Variants in MICU1 observed in about 807,000 individuals in gnomAD.
The protein encoded by MICU1 is calcium uptake protein 1, mitochondrial.
MICU1 carries 45 observed loss-of-function variants against 56.8 expected under a neutral mutation model. The ratio of observed to expected loss-of-function variants is 0.79; its 90% CI spans 0.62 to 1.02. MICU1 has a LOEUF of 1.02. MICU1 is among the 50% of genes least tolerant of loss of function. The pLI is 0.00. For missense variants in MICU1, 504 were observed against 587.1 expected (o/e 0.86, Z 1.46); for synonymous variants, 186 against 195.1 (o/e 0.95, Z 0.39).
chr10:72,415,860 A>T (rs1564854409), intron 9 of MICU1, among the ~76,000 whole-genome samples: 2 of 152,144 alleles, frequency 1.3e-5, no homozygotes, highest in Admixed American at 6.5e-5. Context: ...AATAAGAATA[A>T]AGCTTTGAAC....
chr10:72,624,126 A>G (rs1842174424), intron 1 of MICU1, among the ~76,000 whole-genome samples: 2 of 152,224 alleles, frequency 1.3e-5, no homozygotes, highest in Non-Finnish European at 2.9e-5. Context: ...GGAGTTGGTC[A>G]GTTAAATATT....
chr10:72,578,045 C>T (rs930495045), intron 1 of MICU1, among the ~76,000 whole-genome samples: 1 of 152,112 alleles, frequency 6.6e-6, no homozygotes, highest in Non-Finnish European at 1.5e-5. Context: ...CACTATCAAT[C>T]GGCGTCCTAT....
intron 5 of MICU1, among the ~76,000 whole-genome samples, chr10:72,516,282 GTTAT>G (rs1483043642): frequency 6.6e-6 from 1 of 151,986 alleles, no homozygotes; most frequent in Non-Finnish European, 1.5e-5. Flanking sequence ...TTTTGTTGGG[GTTAT>G]TTTTTTCTTG....
At chr10:72,569,833 G>A (rs905920181) in intron 1 of MICU1, among the ~76,000 whole-genome samples, 10 of 152,174 alleles carry the variant, frequency 6.6e-5, no homozygotes, top group Non-Finnish European at 1.5e-4. Context: ...GCTGATGGAA[G>A]AAGAGGCATT....
chr10:72,457,690 G>C (rs1865514172), intron 8 of MICU1, among the ~76,000 whole-genome samples: 1 of 151,940 alleles, frequency 6.6e-6, no homozygotes, highest in African/African-American at 2.4e-5. Flanking sequence ...AAAGGGGTGG[G>C]AGGGAGAGGG....
At chr10:72,602,938 T>A (rs1325806806) in intron 1 of MICU1, among the ~76,000 whole-genome samples, 1 of 151,992 alleles carries the variant, frequency 6.6e-6, no homozygotes, top group Non-Finnish European at 1.5e-5. Flanking sequence ...AAACACCGCC[T>A]CTGCTAAAAA....
chr10:72,475,015 T>C (rs1866068695), intron 8 of MICU1, 85 bp downstream of exon 8: 2 of 1,171,900 alleles, frequency 1.7e-6, no homozygotes, highest in East Asian at 5.1e-5. Flanking sequence ...CAGCTGGAGG[T>C]AAATGGAAAG....
At chr10:72,448,890 A>G (rs1865205457) in intron 8 of MICU1, among the ~76,000 whole-genome samples, 1 of 152,226 alleles carries the variant, frequency 6.6e-6, no homozygotes, top group Non-Finnish European at 1.5e-5. Context: ...TTGGTTAATT[A>G]TAAGTTTAGC....
At chr10:72,608,171 C>T (rs192335734) in intron 1 of MICU1, among the ~76,000 whole-genome samples, 2 of 152,194 alleles carry the variant, frequency 1.3e-5, no homozygotes, top group African/African-American at 4.8e-5. Context: ...TGGATTCAAG[C>T]GATTCTCCTG....
chr10:72,575,989 G>A (rs1840732179), intron 1 of MICU1, among the ~76,000 whole-genome samples: 1 of 152,134 alleles, frequency 6.6e-6, no homozygotes, highest in South Asian at 2.1e-4. Context: ...TGAGGCGGGT[G>A]GATCACCTGA....
chr10:72,588,956 A>G (rs1404922885), intron 1 of MICU1, among the ~76,000 whole-genome samples: 1 of 152,186 alleles, frequency 6.6e-6, no homozygotes, highest in Non-Finnish European at 1.5e-5. Context: ...AACATAGAGA[A>G]ATCAATAGCC....
At chr10:72,546,208 A>C (rs548310823) in intron 4 of MICU1, among the ~76,000 whole-genome samples, 50 of 152,338 alleles carry the variant, frequency 3.3e-4, no homozygotes, top group African/African-American at 1.2e-3. Flanking sequence ...AGTGACATCA[A>C]TGACTAAAGT....
At chr10:72,406,276 T>A (rs1486535778) in intron 10 of MICU1, among the ~76,000 whole-genome samples, 1 of 152,114 alleles carries the variant, frequency 6.6e-6, no homozygotes, top group East Asian at 1.9e-4. Flanking sequence ...TTTAAAAATA[T>A]ATGTGCAAGA....
chr10:72,570,076 G>T (rs1840569872), intron 1 of MICU1, among the ~76,000 whole-genome samples: 1 of 152,098 alleles, frequency 6.6e-6, no homozygotes, highest in Non-Finnish European at 1.5e-5. Flanking sequence ...CTCCCAAGTT[G>T]CTGGGATTAC....
Position 72,506,460 on chromosome 10 carries a change from T to C in MICU1, c.652+1695A>G, listed in dbSNP as rs16929951. Among the ~76,000 whole-genome samples the C allele has an allele frequency of 2.9e-3, 445 of 152,350 alleles. 6 individuals are homozygous for C. The East Asian group carries it at 0.046, about 16-fold the overall frequency. On this transcript the variant is annotated intron_variant, in intron 6 of 11. Transcript: ENST00000361114. The stretch of plus-strand genomic sequence containing the variant: ...AGTCTTTCTGCTACATCATGGCTAT[T>C]TGCTGTATAATAAATTCTGTCCAAA...
chr10:72,375,633 C>A, intron 11 of MICU1, 150 bp downstream of exon 11: 1 of 618,032 alleles, frequency 1.6e-6, no homozygotes, highest in Non-Finnish European at 2.6e-6. Context: ...TATCATCATG[C>A]CAAGGGCTGA....
chr10:72,573,507 C>T (rs924062009), intron 1 of MICU1, among the ~76,000 whole-genome samples: 8 of 151,912 alleles, frequency 5.3e-5, no homozygotes, highest in Non-Finnish European at 7.4e-5. Context: ...TTATGATATG[C>T]TATTTCATTT....
At chr10:72,529,080 A>G (rs1258946017) in intron 5 of MICU1, among the ~76,000 whole-genome samples, 4 of 152,188 alleles carry the variant, frequency 2.6e-5, no homozygotes, top group Non-Finnish European at 5.9e-5. Context: ...TTATCTCTTT[A>G]CAGATAAATG....
At chr10:72,395,921 C>T (rs2132076711) in intron 10 of MICU1, among the ~76,000 whole-genome samples, 1 of 152,346 alleles carries the variant, frequency 6.6e-6, no homozygotes. Flanking sequence ...CTGAAGAGAG[C>T]AGTTGTTCTC....
Sources: gnomAD v4.1 joint callset for allele counts (sites outside exome capture counted in the v4.1 genomes callset) on GRCh38, gnomAD v4.1.1 for gene constraint, MANE v1.5 for transcripts, NCBI Gene and HGNC (gene_info 2026-07-23, HGNC 2026-07-21) for gene names.